The following PLCE1 variants were observed in gnomAD, a reference collection of about 807,000 sequenced individuals.
The protein encoded by PLCE1 is phospholipase C epsilon 1.
Under a neutral mutation model 242.8 loss-of-function variants are expected in PLCE1, and 119 were observed. That is an observed-to-expected ratio of 0.49 (90% confidence interval 0.42 to 0.57). The LOEUF is 0.57. Among genes scored for constraint, PLCE1 ranks in the 20% least tolerant of loss-of-function variants. The pLI, the probability that PLCE1 is intolerant of heterozygous loss-of-function variation, is 0.00. For missense variants in PLCE1, 2,441 were observed against 2,788.8 expected, an observed-to-expected ratio of 0.88 and a Z score of 2.81; for synonymous variants, 945 against 1,017.4, an observed-to-expected ratio of 0.93 and a Z score of 1.35.
chr10:94,246,046 C>G lies in PLCE1; in HGVS notation c.2521C>G (p.His841Asp), dbSNP rs778596911. The change falls in exon 8 of 33, where the codon CAT (histidine) becomes GAT (aspartate). Residue 841 changes from histidine (H) to aspartate (D), a missense_variant. This residue lies in a region of PLCE1 where 733 missense variants were observed against 754.2 expected (regional missense o/e 0.97). Coordinates refer to ENST00000371380, the MANE Select transcript of PLCE1 (RefSeq NM_016341.4). ...GSEDSQKAFD[H>D]GTELIPWYVL... ...AGAGGACTCACAGAAGGCCTTCGAC[C>G]ATGGGACGGAGCTCATCCCTTGGTA... 5.0e-6 allele frequency: 8 copies of G among 1,614,112 alleles called. No homozygotes were observed. Among genetic ancestry groups the G allele is most frequent in the Non-Finnish European group, 6.8e-6 (8 of 1,180,004 alleles).
At chr10:94,242,704 G>A (rs973365375) in intron 7 of PLCE1, among the ~76,000 whole-genome samples, 1 of 152,122 alleles carries the variant, frequency 6.6e-6, no homozygotes, top group African/African-American at 2.4e-5. Context: ...AATACACAAG[G>A]TGAGCCTGGA....
At chr10:94,103,453 G>T (rs961822412) in intron 2 of PLCE1, among the ~76,000 whole-genome samples, 4 of 152,156 alleles carry the variant, frequency 2.6e-5, no homozygotes, top group Middle Eastern at 3.2e-3. Context: ...TTGAATAATA[G>T]TTCTTGATCC....
At chr10:94,215,625 A>G (rs1589363190) in intron 4 of PLCE1, among the ~76,000 whole-genome samples, 1 of 152,324 alleles carries the variant, frequency 6.6e-6, no homozygotes, top group East Asian at 1.9e-4. Flanking sequence ...TCCTCCAGGT[A>G]AGAATGTCCA....
At chr10:94,314,713 C>A (rs1315943862) in intron 28 of PLCE1, among the ~76,000 whole-genome samples, 1 of 152,182 alleles carries the variant, frequency 6.6e-6, no homozygotes, top group Non-Finnish European at 1.5e-5. Flanking sequence ...TAGCTGGGAT[C>A]ATAACATTTG....
At chr10:94,138,586 A>AC (rs1472472781) in intron 3 of PLCE1, 2 of 447,094 alleles carry the variant, frequency 4.5e-6, no homozygotes, top group Non-Finnish European at 8.8e-6. Context: ...TTCAATCTGA[A>AC]CATCAAAGGG....
chr10:94,195,499 C>T (rs900720358), intron 4 of PLCE1, among the ~76,000 whole-genome samples: 24 of 151,760 alleles, frequency 1.6e-4, no homozygotes, highest in Non-Finnish European at 3.1e-4. Flanking sequence ...ATTAGGGGCT[C>T]CTTTTTTTTT....
chr10:94,123,678 C>T (rs1255240852), intron 2 of PLCE1, among the ~76,000 whole-genome samples: 1 of 152,208 alleles, frequency 6.6e-6, no homozygotes, highest in Non-Finnish European at 1.5e-5. Context: ...TACACACAGA[C>T]ACCCATCAGA....
chr10:94,234,418 G>T (rs2050249349), intron 6 of PLCE1, 106 bp downstream of exon 6: 1 of 1,172,872 alleles, frequency 8.5e-7, no homozygotes, highest in Middle Eastern at 2.8e-4. Flanking sequence ...TGAACACAGG[G>T]TTAATAGTTG....
At chr10:94,083,788 C>T (rs1353808486) in intron 2 of PLCE1, among the ~76,000 whole-genome samples, 1 of 152,224 alleles carries the variant, frequency 6.6e-6, no homozygotes, top group East Asian at 1.9e-4. Flanking sequence ...GTCTGAATGA[C>T]ATTTGCCAAG....
intron 4 of PLCE1, among the ~76,000 whole-genome samples, chr10:94,214,239 G>A (rs996565153): frequency 2.3e-4 from 35 of 152,142 alleles, no homozygotes; most frequent in Non-Finnish European, 2.6e-4. Flanking sequence ...TACTTGCCCA[G>A]GGCATCTGGG....
At chr10:94,237,315 T>G (rs1020040718) in intron 7 of PLCE1, among the ~76,000 whole-genome samples, 1 of 152,220 alleles carries the variant, frequency 6.6e-6, no homozygotes, top group Admixed American at 6.5e-5. Flanking sequence ...TGTATGTCGT[T>G]TGACCTTTCT....
In PLCE1 at chr10:94,329,793, A is replaced by AAAAC. The variant is rs2054136141; in HGVS notation, c.*1853_*1854insCAAA. 6.7e-6 allele frequency: 1 copy of AAAAC among 149,746 alleles called. No individual in the cohort carries two copies. The highest frequency in any genetic ancestry group is 1.5e-5 in the Non-Finnish European group (1 of 67,648). 9.3% of individuals were successfully genotyped at this position (149,746 alleles called of 1,614,324 possible). A position where few individuals can be genotyped will look rare whatever the true frequency, so the allele number is the denominator to read the frequency against. On this transcript the variant is annotated 3_prime_UTR_variant, in exon 33 of 33. Transcript: ENST00000371380. ...CTCCGTCTCAAAAAAAAAAAAAAAA[A>AAAAC]AAAAAAAAAAAAAAAAAACACCATA...
At position 94,265,722 on chromosome 10, in the gene PLCE1, T is replaced by C. The variant is rs1438089647; in HGVS notation, c.4115+14T>C. On this transcript the variant is annotated intron_variant, in intron 15 of 32. Coordinates refer to ENST00000371380, the MANE Select transcript of PLCE1 (RefSeq NM_016341.4). ...AGGGTTTGCCAGGTAACTTTTAAAA[T>C]ATCTTTTGCCCATCTTTTAAGAGTA... The C allele has an allele frequency of 6.2e-7, 1 of 1,613,676 alleles. No individual in the cohort carries two copies. Among genetic ancestry groups the C allele is most frequent in the Non-Finnish European group, 8.5e-7 (1 of 1,179,638 alleles).
chr10:94,186,371 A>G (rs1324847604), intron 4 of PLCE1, among the ~76,000 whole-genome samples: 1 of 152,182 alleles, frequency 6.6e-6, no homozygotes, highest in Admixed American at 6.6e-5. Context: ...ATTTCTCTGC[A>G]TAGGTTGTTT....
chr10:94,287,718 T>C (rs2052506860), intron 22 of PLCE1, among the ~76,000 whole-genome samples: 1 of 152,116 alleles, frequency 6.6e-6, no homozygotes, highest in Non-Finnish European at 1.5e-5. Flanking sequence ...CTGGGTTTTT[T>C]TCTCCTTCTA....
chr10:94,071,025 G>C (rs2044336130), intron 2 of PLCE1, among the ~76,000 whole-genome samples: 2 of 152,208 alleles, frequency 1.3e-5, no homozygotes, highest in South Asian at 4.1e-4. Flanking sequence ...TCTGGGAGGA[G>C]AGCTTCCCCT....
In PLCE1 at chr10:94,218,908, A is replaced by AAAT. The variant is rs112344246; in HGVS notation, c.1810-8397_1810-8396insATA. ...AATAATTTTATATATAATTATAAAAAATCTGACTATAAAAATTTTAATTAT... is the reference window on the plus strand; with the variant it reads ...AATAATTTTATATATAATTATAAAAAAATATCTGACTATAAAAATTTTAATTAT... On this transcript the variant is annotated intron_variant, in intron 4 of 32. Transcript: ENST00000371380. 6.5e-3 allele frequency among the ~76,000 whole-genome samples: 951 copies of AAAT among 146,834 alleles called. 3 individuals carry two copies. The highest frequency in any genetic ancestry group is 0.021 in the African/African-American group (854 of 40,654).
At chr10:94,117,443 C>T (rs1266045540) in intron 2 of PLCE1, among the ~76,000 whole-genome samples, 2 of 152,208 alleles carry the variant, frequency 1.3e-5, no homozygotes, top group Non-Finnish European at 2.9e-5. Flanking sequence ...CCCTTCCCTT[C>T]CCTATAGCCT....
chr10:94,218,670 G>A (rs2049611180), intron 4 of PLCE1, among the ~76,000 whole-genome samples: 1 of 151,754 alleles, frequency 6.6e-6, no homozygotes, highest in African/African-American at 2.4e-5. Context: ...CCACCCTCAT[G>A]CCTAGCATAG....
Sources: allele counts gnomAD v4.1 joint callset (sites outside exome capture counted in the v4.1 genomes callset), GRCh38; gene constraint gnomAD v4.1.1; regional missense constraint gnomAD v4.1.1; transcripts MANE v1.5; gene names NCBI Gene and HGNC (gene_info 2026-07-23, HGNC 2026-07-21).